Variants in FRAS1 observed in about 807,000 individuals in gnomAD.
The protein encoded by FRAS1 is extracellular matrix organizing protein FRAS1.
FRAS1 carries 290 observed loss-of-function variants against 435.2 expected under a neutral mutation model. The observed-to-expected ratio is 0.67, with a 90% CI of 0.61 to 0.73. FRAS1 has a LOEUF of 0.73. Among genes scored for constraint, FRAS1 ranks in the 30% least tolerant of loss-of-function variants. The pLI is 0.00. For missense variants in FRAS1, 4,860 were observed against 5,001.5 expected, an observed-to-expected ratio of 0.97 and a Z score of 0.85; for synonymous variants, 1,800 against 1,851.0, an observed-to-expected ratio of 0.97 and a Z score of 0.71.
Position 78,475,466 on chromosome 4 carries a change from G to T in FRAS1, c.7711G>T (p.Val2571Phe). 1 of 1,613,972 alleles carries T rather than the reference G, an allele frequency of 6.2e-7. No homozygotes were observed. Among genetic ancestry groups the T allele is most frequent in the Non-Finnish European group, 8.5e-7 (1 of 1,179,856 alleles). Residue 2571 changes from valine (V) to phenylalanine (F), a missense_variant, in exon 54 of 74, where the codon GTC becomes TTC. By Grantham distance (50) the Val-to-Phe change is conservative. Coordinates refer to ENST00000512123, the MANE Select transcript of FRAS1 (RefSeq NM_025074.7). Reference protein sequence around the residue: ...SYNVSEKAGSVSVTVQRTGNL... With the variant: ...SYNVSEKAGSFSVTVQRTGNL... ...CAATGTCAGTGAGAAGGCAGGGTCT[G>T]TCAGTGTCACGGTGCAGAGGACTGG... is the stretch of plus-strand genomic sequence containing the variant.
At chr4:78,490,637 G>T (rs1720320204) in intron 59 of FRAS1, among the ~76,000 whole-genome samples, 1 of 152,138 alleles carries the variant, frequency 6.6e-6, no homozygotes, top group Non-Finnish European at 1.5e-5. Flanking sequence ...CAGAATCCCT[G>T]GAACACAGCT....
Position 78,098,435 on chromosome 4 carries a change from T to C in FRAS1, c.108+32419T>C, listed in dbSNP as rs938573932. On this transcript the variant is annotated intron_variant, in intron 2 of 73. Transcript: ENST00000512123. ...GACTACAGATGCACACCACTACAGCTGGCTAATTTTTGTATTTTTAGTAGA... is the reference window on the plus strand; with the variant it reads ...GACTACAGATGCACACCACTACAGCCGGCTAATTTTTGTATTTTTAGTAGA... Among the ~76,000 whole-genome samples, 7 of 152,080 alleles carry C rather than the reference T, an allele frequency of 4.6e-5. No homozygotes were observed. In the East Asian group the frequency reaches 5.8e-4, roughly 13 times the overall value.
At chr4:78,181,852 C>A (rs573668739) in intron 2 of FRAS1, 11 of 1,612,062 alleles carry the variant, frequency 6.8e-6, no homozygotes, top group African/African-American at 6.7e-5. Context: ...GTTTGCCTGC[C>A]GCGTTGGAGT....
intron 20 of FRAS1, among the ~76,000 whole-genome samples, chr4:78,341,087 C>G (rs1553947357): frequency 6.6e-6 from 1 of 151,984 alleles, no homozygotes; most frequent in Non-Finnish European, 1.5e-5. Context: ...GCCCATGGAA[C>G]AGGACCCTGA....
chr4:78,399,209 C>A (rs1434396292), intron 29 of FRAS1, among the ~76,000 whole-genome samples: 1 of 152,144 alleles, frequency 6.6e-6, no homozygotes, highest in Non-Finnish European at 1.5e-5. Context: ...CTCATGGGCA[C>A]TGTTTGACTC....
At chr4:78,478,837 C>T (rs944556279) in intron 55 of FRAS1, among the ~76,000 whole-genome samples, 1 of 152,200 alleles carries the variant, frequency 6.6e-6, no homozygotes, top group African/African-American at 2.4e-5. Flanking sequence ...TCTGGGCCAC[C>T]AAGCCAGGCC....
chr4:78,487,557 C>T (rs183697894), intron 58 of FRAS1, among the ~76,000 whole-genome samples: 14 of 152,178 alleles, frequency 9.2e-5, no homozygotes, highest in African/African-American at 2.2e-4. Flanking sequence ...TTGCATTGTT[C>T]GTGAATAAAT....
At chr4:78,361,691 C>A (rs151250633) in intron 20 of FRAS1, among the ~76,000 whole-genome samples, 1 of 152,188 alleles carries the variant, frequency 6.6e-6, no homozygotes, top group African/African-American at 2.4e-5. Flanking sequence ...ATTCCAGGGG[C>A]AGGAATCTGT....
At chr4:78,325,191 C>T (rs1480020113) in intron 18 of FRAS1, among the ~76,000 whole-genome samples, 1 of 152,166 alleles carries the variant, frequency 6.6e-6, no homozygotes, top group Non-Finnish European at 1.5e-5. Context: ...TATTTCCAGC[C>T]TCCTAGGGCT....
At chr4:78,470,979 G>T (rs751720616) in intron 51 of FRAS1, among the ~76,000 whole-genome samples, 9 of 152,328 alleles carry the variant, frequency 5.9e-5, no homozygotes, top group Non-Finnish European at 1.0e-4. Context: ...AGCTGGGCAG[G>T]CAGAGGCTCA....
At chr4:78,258,032 T>C (rs1725868811) in intron 6 of FRAS1, among the ~76,000 whole-genome samples, 1 of 152,180 alleles carries the variant, frequency 6.6e-6, no homozygotes, top group South Asian at 2.1e-4. Context: ...ACTTCATCTT[T>C]GGATGTTTTT....
In FRAS1 at chr4:78,277,755, G is replaced by C. The variant is rs527893696; in HGVS notation, c.982-900G>C. Among the ~76,000 whole-genome samples, 3 of 151,778 alleles carry C rather than the reference G, an allele frequency of 2.0e-5. No homozygotes were observed. The East Asian group carries it at 5.8e-4, about 29-fold the overall frequency. The stretch of plus-strand genomic sequence containing the variant: ...TGGGAAATGAAAATGATAAGACTTG[G>C]AAAGTTAAATATCTACCCTGCAAAC... On this transcript the variant is annotated intron_variant, in intron 9 of 73. Coordinates refer to ENST00000512123, the MANE Select transcript of FRAS1 (RefSeq NM_025074.7).
chr4:78,283,076 A>C (rs1439457302), intron 12 of FRAS1, 109 bp downstream of exon 12: 1 of 813,056 alleles, frequency 1.2e-6, no homozygotes, highest in South Asian at 3.5e-5. Context: ...TTAGTTAACC[A>C]ATGGGTTTGT....
At chr4:78,397,956 T>C (rs1232722052) in intron 29 of FRAS1, among the ~76,000 whole-genome samples, 1 of 151,588 alleles carries the variant, frequency 6.6e-6, no homozygotes, top group Non-Finnish European at 1.5e-5. Context: ...AATGCATCTA[T>C]TGTTGATTTT....
chr4:78,464,691 G>A (rs1719475015), intron 49 of FRAS1, 108 bp downstream of exon 49: 1 of 1,198,452 alleles, frequency 8.3e-7, no homozygotes, highest in African/African-American at 1.5e-5. Context: ...GCTGTAAGGT[G>A]AGTGCAAGCA....
Position 78,544,081 on chromosome 4 carries a change from T to C in FRAS1, c.*2957T>C, listed in dbSNP as rs553394027. 6 of 152,752 alleles carry C rather than the reference T, an allele frequency of 3.9e-5. No homozygotes were observed. The South Asian group carries it at 1.2e-3, about 32-fold the overall frequency. 9.5% of individuals were successfully genotyped at this position (152,752 alleles called of 1,614,324 possible). On this transcript the variant is annotated 3_prime_UTR_variant, in exon 74 of 74. Coordinates refer to ENST00000512123, the MANE Select transcript of FRAS1 (RefSeq NM_025074.7). Reference sequence around the variant, plus strand: ...TTCAGTCTCAGTCTGCTATAGGTATTTGTTATTCTTGGATACTACACACCT... The same window carrying C: ...TTCAGTCTCAGTCTGCTATAGGTATCTGTTATTCTTGGATACTACACACCT...
intron 2 of FRAS1, among the ~76,000 whole-genome samples, chr4:78,168,509 A>ATT (rs888205493): frequency 1.5e-4 from 22 of 149,862 alleles, no homozygotes; most frequent in African/African-American, 5.4e-4. Context: ...AAAACTTCAA[A>ATT]TTTTTTTTTT....
intron 61 of FRAS1, among the ~76,000 whole-genome samples, chr4:78,506,103 C>A (rs550011117): frequency 6.6e-6 from 1 of 152,310 alleles, no homozygotes; most frequent in South Asian, 2.1e-4. Context: ...AATATTGCTG[C>A]CTGATCCTTC....
In FRAS1 at chr4:78,418,949, G is replaced by T. The variant is rs752047826; in HGVS notation, c.4426G>T (p.Ala1476Ser). 3.2e-6 allele frequency: 5 copies of T among 1,577,352 alleles called. No homozygotes were observed. The highest frequency in any genetic ancestry group is 2.6e-6 in the Non-Finnish European group (3 of 1,152,716). Residue 1476 changes from alanine to serine, a missense_variant and splice_region_variant, in exon 33 of 74, where the codon GCT becomes TCT. Transcript: ENST00000512123. ...CTCTTCCTTCTTAAACTTTGTTTAG[G>T]CTAGAGAAGATGGCCTGACTGTTAT... ...VSLEASLHMT[A>S]REDGLTVIQP...
Sources: gnomAD v4.1 joint callset for allele counts (sites outside exome capture counted in the v4.1 genomes callset) on GRCh38, gnomAD v4.1.1 for gene constraint, MANE v1.5 for transcripts, NCBI Gene and HGNC (gene_info 2026-07-23, HGNC 2026-07-21) for gene names.